The following KIRREL3 variants were observed in gnomAD, a reference collection of about 807,000 sequenced individuals.
KIRREL3 encodes kirre like nephrin family adhesion molecule 3.
Under a neutral mutation model 89.7 loss-of-function variants are expected in KIRREL3, and 36 were observed. That is an observed-to-expected ratio of 0.40 (90% CI 0.31 to 0.53). The LOEUF is 0.53. Ranked by LOEUF, KIRREL3 falls within the 20% of genes least tolerant of loss-of-function variation. The pLI, the probability that KIRREL3 is intolerant of heterozygous loss-of-function variation, is 0.49. For missense variants in KIRREL3, 864 were observed against 1,056.6 expected, an observed-to-expected ratio of 0.82 and a Z score of 2.53; for synonymous variants, 445 against 441.4, an observed-to-expected ratio of 1.01 and a Z score of -0.10.
chr11:126,863,654 CGTGT>C (rs1944823602), intron 1 of KIRREL3, among the ~76,000 whole-genome samples: 1 of 149,982 alleles, frequency 6.7e-6, no homozygotes, highest in African/African-American at 2.5e-5. Context: ...TGTTTGAGTG[CGTGT>C]GTGAGTGTAT....
chr11:126,895,213 A>G (rs1946101326), intron 1 of KIRREL3, among the ~76,000 whole-genome samples: 1 of 152,056 alleles, frequency 6.6e-6, no homozygotes, highest in Non-Finnish European at 1.5e-5. Context: ...CTGTAACCCC[A>G]GCACTTTGGG....
At chr11:126,975,947 C>CCTTCCTTA (rs1949562886) in intron 1 of KIRREL3, among the ~76,000 whole-genome samples, 1 of 128,176 alleles carries the variant, frequency 7.8e-6, no homozygotes, top group Non-Finnish European at 1.6e-5. Flanking sequence ...TCCCTTCCTT[C>CCTTCCTTA]CTTCCCTCCG....
chr11:126,482,258 C>T (rs1268375342), intron 4 of KIRREL3, among the ~76,000 whole-genome samples: 5 of 152,128 alleles, frequency 3.3e-5, no homozygotes, highest in East Asian at 1.9e-4. Context: ...AGGCTGGTCT[C>T]GAACTCCTGA....
chr11:126,962,647 T>C (rs1199748039), intron 1 of KIRREL3, among the ~76,000 whole-genome samples: 1 of 152,236 alleles, frequency 6.6e-6, no homozygotes, highest in Non-Finnish European at 1.5e-5. Context: ...CAGCAGGATT[T>C]GAGAGGATGG....
At position 126,498,683 on chromosome 11, in the gene KIRREL3, G is replaced by A. The variant is rs1360986727; in HGVS notation, c.433+22632C>T. On this transcript the variant is annotated intron_variant, in intron 4 of 16. Coordinates refer to ENST00000525144, the MANE Select transcript of KIRREL3 (RefSeq NM_032531.4). This position sits in a 1 kb window ranked among gnomAD's most constrained non-coding sequence, Gnocchi z 4.3. ...ACAAGCAGAGGAGACTCAGTGATGA[G>A]AGGAATGGTGTGTCCATGGGGACAG... Among the ~76,000 whole-genome samples the A allele has an allele frequency of 6.6e-6, 1 of 152,182 alleles. No homozygotes were observed. Among genetic ancestry groups the A allele is most frequent in the Non-Finnish European group, 1.5e-5 (1 of 68,032 alleles).
Position 126,783,082 on chromosome 11 carries a change from G to A in KIRREL3, c.55+217373C>T, listed in dbSNP as rs567423595. On this transcript the variant is annotated intron_variant, in intron 1 of 16. Transcript: ENST00000525144. This position sits in a 1 kb window ranked among gnomAD's most constrained non-coding sequence, Gnocchi z 4.3. The stretch of plus-strand genomic sequence containing the variant: ...AATAACTACAACTGGGTGGCTAAGA[G>A]CAACAGAAATTTATTCTCTCACAGT... 2.2e-4 allele frequency among the ~76,000 whole-genome samples: 34 copies of A among 152,186 alleles called. No individual in the cohort carries two copies. Among genetic ancestry groups the A allele is most frequent in the Non-Finnish European group, 4.4e-4 (30 of 68,020 alleles).
Position 126,766,862 on chromosome 11 carries a change from G to A in KIRREL3, c.56-203950C>T, listed in dbSNP as rs1949840043. ...GGCTCCCTTGTGGAGGTAAGAGAAA[G>A]AGATTGCTCTGTCTTGCATAGGGGC... On this transcript the variant is annotated intron_variant, in intron 1 of 16. Transcript: ENST00000525144. This position sits in a 1 kb window ranked among gnomAD's most constrained non-coding sequence, Gnocchi z 4.2. 1.3e-5 allele frequency among the ~76,000 whole-genome samples: 2 copies of A among 152,248 alleles called. No individual in the cohort carries two copies. The highest frequency in any genetic ancestry group is 2.4e-5 in the African/African-American group (1 of 41,464).
chr11:126,832,898 C>T (rs1051941309), intron 1 of KIRREL3, among the ~76,000 whole-genome samples: 6 of 152,034 alleles, frequency 3.9e-5, no homozygotes, highest in African/African-American at 1.5e-4. Context: ...TGGATTTGTT[C>T]GAGTAGACTT....
At chr11:126,856,292 T>G (rs2134589723) in intron 1 of KIRREL3, among the ~76,000 whole-genome samples, 1 of 152,244 alleles carries the variant, frequency 6.6e-6, no homozygotes, top group South Asian at 2.1e-4. Flanking sequence ...ACCTCTCAGC[T>G]TTGCTTCTGC....
Position 126,752,335 on chromosome 11 carries a change from G to C in KIRREL3, c.56-189423C>G, listed in dbSNP as rs1188651755. 6.6e-6 allele frequency among the ~76,000 whole-genome samples: 1 copy of C among 152,038 alleles called. No homozygotes were observed. Among genetic ancestry groups the C allele is most frequent in the Non-Finnish European group, 1.5e-5 (1 of 68,030 alleles). On this transcript the variant is annotated intron_variant, in intron 1 of 16. Coordinates refer to ENST00000525144, the MANE Select transcript of KIRREL3 (RefSeq NM_032531.4). The surrounding 1 kb of genome is among the most constrained non-coding windows in gnomAD (Gnocchi z 4.8). Reference sequence around the variant, plus strand: ...TGGATTTTGCAGATTCCTTTCCTGAGAGTTGAAATGATGGCTTTAAAAAAT... The same window carrying C: ...TGGATTTTGCAGATTCCTTTCCTGACAGTTGAAATGATGGCTTTAAAAAAT...
chr11:126,863,637 GTGTGTGTGTT>G (rs1944821665), intron 1 of KIRREL3, among the ~76,000 whole-genome samples: 2 of 6,160 alleles, frequency 3.2e-4, no homozygotes, highest in Admixed American at 2.5e-3. Flanking sequence ...TTGAGTGCGT[GTGTGTGTGTT>G]TGAGTGCGTG....
intron 1 of KIRREL3, among the ~76,000 whole-genome samples, chr11:126,720,790 G>T (rs2134168891): frequency 6.6e-6 from 1 of 152,350 alleles, no homozygotes; most frequent in Middle Eastern, 3.4e-3. Flanking sequence ...ACATGCAAAT[G>T]ACGCTGTAGG....
intron 1 of KIRREL3, among the ~76,000 whole-genome samples, chr11:126,959,796 G>A (rs543084202): frequency 1.3e-5 from 2 of 152,140 alleles, no homozygotes; most frequent in African/African-American, 4.8e-5. Flanking sequence ...TACACTCTCT[G>A]AATCCCATTA....
At chr11:126,517,500 TG>T (rs1336472188) in intron 4 of KIRREL3, among the ~76,000 whole-genome samples, 2 of 151,896 alleles carry the variant, frequency 1.3e-5, no homozygotes, top group African/African-American at 2.4e-5. Flanking sequence ...GAGGGGTGGT[TG>T]GGGGGGATCC....
intron 1 of KIRREL3, among the ~76,000 whole-genome samples, chr11:126,857,782 T>TGTGGGGGA (rs11283324): frequency 8.3e-6 from 1 of 120,058 alleles, no homozygotes. Context: ...CTTCAGGCTG[T>TGTGGGGGA]GGGGGTGGGG....
At position 126,557,894 on chromosome 11, in the gene KIRREL3, G is replaced by A. The variant is rs115524222; in HGVS notation, c.133+4941C>T. Among the ~76,000 whole-genome samples, 314 of 152,278 alleles carry A rather than the reference G, an allele frequency of 2.1e-3. No individual in the cohort carries two copies. Among genetic ancestry groups the A allele is most frequent in the African/African-American group, 6.8e-3 (284 of 41,570 alleles). ...TTATGGAACCAGCTTTCCCCTTCCT[G>A]GGTGCTCCAGCTCTTCCCACACAGG... On this transcript the variant is annotated intron_variant, in intron 2 of 16. Transcript: ENST00000525144. This position sits in a 1 kb window ranked among gnomAD's most constrained non-coding sequence, Gnocchi z 5.6.
chr11:126,756,949 C>A (rs1287232636), intron 1 of KIRREL3, among the ~76,000 whole-genome samples: 2 of 152,202 alleles, frequency 1.3e-5, no homozygotes, highest in African/African-American at 2.4e-5. Context: ...GAGTGCCTGG[C>A]CAGACATATC....
chr11:126,487,726 G>C (rs1957403785), intron 4 of KIRREL3, among the ~76,000 whole-genome samples: 2 of 152,168 alleles, frequency 1.3e-5, no homozygotes, highest in Non-Finnish European at 2.9e-5. Flanking sequence ...AATCTCCTCT[G>C]TTCCTCATTT....
chr11:126,629,099 C>T (rs1218769628), intron 1 of KIRREL3, among the ~76,000 whole-genome samples: 1 of 152,232 alleles, frequency 6.6e-6, no homozygotes, highest in African/African-American at 2.4e-5. Context: ...CCAACCCCTG[C>T]CAATGATGCA....
Sources: allele counts gnomAD v4.1 joint callset (sites outside exome capture counted in the v4.1 genomes callset), GRCh38; gene constraint gnomAD v4.1.1; non-coding constraint Gnocchi (gnomAD v3.1); transcripts MANE v1.5; gene names NCBI Gene and HGNC (gene_info 2026-07-23, HGNC 2026-07-21).